The following SPON1 variants were observed in gnomAD, a reference collection of about 807,000 sequenced individuals.
SPON1 encodes spondin-1.
In SPON1, 52 loss-of-function variants were observed where a neutral mutation model predicts 111.7. The observed-to-expected ratio is 0.47, with a 90% CI of 0.37 to 0.59. The LOEUF (loss-of-function observed/expected upper bound fraction) is 0.59, where lower values mean the gene tolerates loss of function less well. SPON1 is among the 20% of genes least tolerant of loss of function. The pLI is 0.00. For missense variants in SPON1, 957 were observed against 1,068.5 expected (o/e 0.90, Z 1.46); for synonymous variants, 410 against 395.8 (o/e 1.04, Z -0.43).
At chr11:14,128,966 G>A (rs954201395) in intron 5 of SPON1, among the ~76,000 whole-genome samples, 20 of 152,252 alleles carry the variant, frequency 1.3e-4, no homozygotes, top group Non-Finnish European at 2.6e-4. Flanking sequence ...TGGGACAGAA[G>A]GCACCATGTC....
At chr11:14,061,373 T>C (rs1848790047) in intron 3 of SPON1, among the ~76,000 whole-genome samples, 1 of 152,270 alleles carries the variant, frequency 6.6e-6, no homozygotes, top group African/African-American at 2.4e-5. Flanking sequence ...TCTATCATTC[T>C]ATCCAATTAT....
chr11:13,963,008 A>T lies in SPON1; in HGVS notation c.104A>T (p.Asp35Val). The T allele has an allele frequency of 6.3e-7, 1 of 1,594,134 alleles. No homozygotes were observed. The highest frequency in any genetic ancestry group is 8.5e-7 in the Non-Finnish European group (1 of 1,171,468). The part of the protein sequence containing the change: ...AALAFSDETL[D>V]KVPKSEGYCS... ...CTGGCCTTCTCCGACGAGACCCTGGACAAAGTGCCCAAGTCAGAGGGCTAC... is the reference window on the plus strand; with the variant it reads ...CTGGCCTTCTCCGACGAGACCCTGGTCAAAGTGCCCAAGTCAGAGGGCTAC... The change falls in exon 1 of 16, where the codon GAC becomes GTC. Residue 35 changes from aspartate (D) to valine (V), a missense_variant. By Grantham distance (152) the Asp-to-Val change is radical. This residue lies in a region of SPON1 where 262 missense variants were observed against 253.9 expected (regional missense o/e 1.03). Coordinates refer to ENST00000576479, the MANE Select transcript of SPON1 (RefSeq NM_006108.4).
chr11:14,035,227 G>A (rs1299357553), intron 2 of SPON1, among the ~76,000 whole-genome samples: 1 of 152,106 alleles, frequency 6.6e-6, no homozygotes, highest in African/African-American at 2.4e-5. Context: ...GGCACTATTA[G>A]GAGGGACTGT....
At chr11:14,243,522 G>A in intron 7 of SPON1, 126 bp downstream of exon 7, 2 of 786,678 alleles carry the variant, frequency 2.5e-6, no homozygotes, top group Middle Eastern at 2.2e-4. Context: ...TAACAAGCAG[G>A]CAAGATGCTT....
At chr11:14,101,524 C>G (rs1849144073) in intron 5 of SPON1, among the ~76,000 whole-genome samples, 1 of 151,810 alleles carries the variant, frequency 6.6e-6, no homozygotes, top group African/African-American at 2.4e-5. Flanking sequence ...TCAAATATTT[C>G]CCCTCCTCCT....
intron 3 of SPON1, among the ~76,000 whole-genome samples, chr11:14,065,821 C>T (rs1272505018): frequency 6.6e-6 from 1 of 152,186 alleles, no homozygotes; most frequent in Non-Finnish European, 1.5e-5. Flanking sequence ...TTTCATCATC[C>T]TAAAACCTGT....
intron 5 of SPON1, among the ~76,000 whole-genome samples, chr11:14,093,504 A>G (rs1554923599): frequency 1.3e-5 from 2 of 152,204 alleles, no homozygotes; most frequent in African/African-American, 4.8e-5. Flanking sequence ...TGTTTAACAG[A>G]TATGCATTGA....
chr11:14,185,247 T>G (rs1848274363), intron 6 of SPON1, among the ~76,000 whole-genome samples: 2 of 152,218 alleles, frequency 1.3e-5, no homozygotes, highest in South Asian at 4.1e-4. Flanking sequence ...CATTTTCCCT[T>G]AAATATTATA....
chr11:14,249,559 C>T (rs576185036), intron 7 of SPON1, among the ~76,000 whole-genome samples: 73 of 152,322 alleles, frequency 4.8e-4, no homozygotes, highest in African/African-American at 1.7e-3. Context: ...GTTTTTGCAA[C>T]TCTGAAAATT....
chr11:14,048,141 A>G (rs1366809648), intron 3 of SPON1, among the ~76,000 whole-genome samples: 4 of 152,192 alleles, frequency 2.6e-5, no homozygotes, highest in African/African-American at 9.6e-5. Flanking sequence ...TGGGAGGCTG[A>G]GGTAGGAGAA....
intron 1 of SPON1, among the ~76,000 whole-genome samples, chr11:13,977,086 A>G (rs1848108959): frequency 6.6e-6 from 1 of 152,196 alleles, no homozygotes; most frequent in African/African-American, 2.4e-5. Context: ...GCCACAATTT[A>G]TATACCTATT....
chr11:14,137,698 C>G (rs782134884), intron 6 of SPON1, among the ~76,000 whole-genome samples: 1 of 152,136 alleles, frequency 6.6e-6, no homozygotes. Flanking sequence ...TTGAGAATCT[C>G]AAGATGGCAG....
chr11:14,160,439 ATATT>A (rs1406262748), intron 6 of SPON1, among the ~76,000 whole-genome samples: 1 of 18,984 alleles, frequency 5.3e-5, no homozygotes, highest in Non-Finnish European at 7.8e-5. Flanking sequence ...ATTTATATAT[ATATT>A]TATATATATA....
intron 2 of SPON1, among the ~76,000 whole-genome samples, chr11:14,037,237 A>G (rs1259755056): frequency 6.6e-6 from 1 of 152,128 alleles, no homozygotes; most frequent in Non-Finnish European, 1.5e-5. Flanking sequence ...TTTTAATGGG[A>G]GAGATTTGAA....
At chr11:14,225,823 C>T (rs570858970) in intron 6 of SPON1, among the ~76,000 whole-genome samples, 13 of 152,254 alleles carry the variant, frequency 8.5e-5, no homozygotes, top group African/African-American at 2.4e-4. Context: ...GGTTTAAGTA[C>T]GTGATGTTTA....
At chr11:14,263,053 TAAAA>T (rs34480564) in intron 15 of SPON1, 78 bp downstream of exon 15, 1,175 of 949,084 alleles carry the variant, frequency 1.2e-3, no homozygotes, top group South Asian at 1.7e-3. Flanking sequence ...TGGACCTGTT[TAAAA>T]AAAAAAAAAA....
chr11:14,047,124 A>G (rs1225442140), intron 3 of SPON1, among the ~76,000 whole-genome samples: 1 of 152,138 alleles, frequency 6.6e-6, no homozygotes, highest in African/African-American at 2.4e-5. Context: ...GATGTAAATG[A>G]TCATATCTTA....
At chr11:13,989,233 A>G in intron 2 of SPON1, among the ~76,000 whole-genome samples, 1 of 152,144 alleles carries the variant, frequency 6.6e-6, no homozygotes, top group East Asian at 1.9e-4. Flanking sequence ...AGAACTTGTT[A>G]TTGGTTTATT....
intron 6 of SPON1, among the ~76,000 whole-genome samples, chr11:14,189,333 C>T (rs1848318928): frequency 6.6e-6 from 1 of 152,240 alleles, no homozygotes; most frequent in Admixed American, 6.5e-5. Flanking sequence ...TCACCTCCCA[C>T]CTCTGATGTC....
Sources: gnomAD v4.1 joint callset for allele counts (sites outside exome capture counted in the v4.1 genomes callset) on GRCh38, gnomAD v4.1.1 for gene constraint, gnomAD v4.1.1 regional missense constraint, MANE v1.5 for transcripts, NCBI Gene and HGNC (gene_info 2026-07-23, HGNC 2026-07-21) for gene names.